The following RNF13 variants were observed in gnomAD, a reference collection of about 807,000 sequenced individuals.
RNF13 encodes the protein E3 ubiquitin-protein ligase RNF13.
RNF13 carries 19 observed loss-of-function variants against 37.7 expected under a neutral mutation model. That is an observed-to-expected ratio of 0.50 (90% confidence interval 0.35 to 0.74). RNF13 has a LOEUF of 0.74. Among genes scored for constraint, RNF13 ranks in the 30% least tolerant of loss-of-function variants. The pLI is 0.01. For synonymous variants in RNF13, 144 were observed against 157.8 expected, an observed-to-expected ratio of 0.91 and a Z score of 0.65; for missense variants, 375 against 453.0, an observed-to-expected ratio of 0.83 and a Z score of 1.56.
rs765381081 is a variant in RNF13, at chr3:149,844,968, C to G, written c.-16-1043C>G. Among the ~76,000 whole-genome samples the G allele has an allele frequency of 1.4e-4, 21 of 152,298 alleles. No individual in the cohort carries two copies. The South Asian group carries it at 1.7e-3, about 12-fold the overall frequency. ...TTTCCCCTCCCTCAAGCTTTCCCCC[C>G]ACGCCCTGCCAATCCCTAGGCAACC... On this transcript the variant is annotated intron_variant, in intron 1 of 9. Transcript: ENST00000392894.
At chr3:149,898,793 A>C (rs887987871) in intron 5 of RNF13, among the ~76,000 whole-genome samples, 4 of 152,174 alleles carry the variant, frequency 2.6e-5, no homozygotes, top group Admixed American at 2.6e-4. Context: ...AGTAGTGATA[A>C]ATGCTATGAA....
intron 4 of RNF13, among the ~76,000 whole-genome samples, chr3:149,889,183 C>T (rs937733971): frequency 8.6e-5 from 13 of 151,274 alleles, no homozygotes; most frequent in Non-Finnish European, 1.6e-4. Context: ...ATGATCCCCC[C>T]GACTCAGCCT....
intron 1 of RNF13, among the ~76,000 whole-genome samples, chr3:149,836,818 T>C (rs1224173679): frequency 6.6e-6 from 1 of 152,226 alleles, no homozygotes; most frequent in Non-Finnish European, 1.5e-5. Context: ...TTACTCAGCC[T>C]GCTAAGGAAG....
intron 8 of RNF13, chr3:149,939,729 T>C (rs922868388): frequency 1.4e-6 from 1 of 725,912 alleles, no homozygotes; most frequent in Non-Finnish European, 2.4e-6. Flanking sequence ...TGTCGGCCTT[T>C]TGTTGACAAC....
At chr3:149,918,067 C>G (rs1362380362) in intron 7 of RNF13, among the ~76,000 whole-genome samples, 2 of 151,728 alleles carry the variant, frequency 1.3e-5, no homozygotes, top group African/African-American at 4.8e-5. Context: ...TTCTGGTAGC[C>G]AAATTTAAAA....
chr3:149,950,873 G>A (rs545259863), intron 8 of RNF13, among the ~76,000 whole-genome samples: 81 of 152,230 alleles, frequency 5.3e-4, no homozygotes, highest in Non-Finnish European at 1.0e-3. Context: ...GATGGCTGGC[G>A]GGAGCTGGAG....
At chr3:149,943,859 C>T (rs550732027) in intron 8 of RNF13, among the ~76,000 whole-genome samples, 5 of 151,928 alleles carry the variant, frequency 3.3e-5, no homozygotes, top group Admixed American at 6.6e-5. Flanking sequence ...ATGCACACAA[C>T]GTGCAGGTTT....
chr3:149,960,354 G>A (rs767702774), intron 9 of RNF13, among the ~76,000 whole-genome samples: 1 of 152,108 alleles, frequency 6.6e-6, no homozygotes, highest in South Asian at 2.1e-4. Flanking sequence ...CACTTTGGGA[G>A]GCCGAGGCAG....
At chr3:149,931,880 C>T (rs2108558871) in intron 8 of RNF13, among the ~76,000 whole-genome samples, 1 of 152,296 alleles carries the variant, frequency 6.6e-6, no homozygotes, top group South Asian at 2.1e-4. Context: ...CACCAGTTTG[C>T]TCTCTACCTC....
chr3:149,819,129 A>C (rs973403137), intron 1 of RNF13, among the ~76,000 whole-genome samples: 6 of 152,188 alleles, frequency 3.9e-5, no homozygotes, highest in African/African-American at 1.4e-4. Flanking sequence ...TTGTCCAGTT[A>C]AAATCTGTTT....
chr3:149,914,497 G>A (rs1181400687), intron 7 of RNF13, among the ~76,000 whole-genome samples: 1 of 151,830 alleles, frequency 6.6e-6, no homozygotes, highest in African/African-American at 2.4e-5. Context: ...GAGTAAGTTA[G>A]AAAACCAAAA....
At chr3:149,873,158 T>G (rs1252600297) in intron 4 of RNF13, among the ~76,000 whole-genome samples, 1 of 152,212 alleles carries the variant, frequency 6.6e-6, no homozygotes, top group Non-Finnish European at 1.5e-5. Flanking sequence ...AATGTTATTG[T>G]AATGTTTCAT....
At position 149,882,062 on chromosome 3, in the gene RNF13, T is replaced by G. The variant is rs200430021; in HGVS notation, c.321+9908T>G. ...ACAGATGGAGGAAGTCCAGAATAACTATTAGTAGAGTACCAGTGGTAAGCA... is the reference window on the plus strand; with the variant it reads ...ACAGATGGAGGAAGTCCAGAATAACGATTAGTAGAGTACCAGTGGTAAGCA... On this transcript the variant is annotated intron_variant, in intron 4 of 9. Coordinates refer to ENST00000392894, the MANE Select transcript of RNF13 (RefSeq NM_183381.3). Among the ~76,000 whole-genome samples the G allele has an allele frequency of 2.4e-3, 371 of 152,004 alleles. 5 individuals carry two copies. The highest frequency in any genetic ancestry group is 4.4e-3 in the East Asian group (23 of 5,180).
At chr3:149,816,941 A>G (rs1022262279) in intron 1 of RNF13, among the ~76,000 whole-genome samples, 1 of 152,108 alleles carries the variant, frequency 6.6e-6, no homozygotes, top group African/African-American at 2.4e-5. Flanking sequence ...TGACCAGAGT[A>G]TAGGCCTAGG....
intron 8 of RNF13, among the ~76,000 whole-genome samples, chr3:149,945,073 T>C (rs1424386380): frequency 6.6e-6 from 1 of 152,260 alleles, no homozygotes; most frequent in African/African-American, 2.4e-5. Flanking sequence ...GGGAATCCTT[T>C]CCTCATTTCT....
At chr3:149,842,913 G>A (rs146774584) in intron 1 of RNF13, among the ~76,000 whole-genome samples, 52 of 152,254 alleles carry the variant, frequency 3.4e-4, no homozygotes, top group African/African-American at 1.2e-3. Context: ...AGGAGAGTTA[G>A]GAAAATATTC....
chr3:149,865,472 T>C (rs1724719549), intron 3 of RNF13, among the ~76,000 whole-genome samples: 1 of 151,862 alleles, frequency 6.6e-6, no homozygotes, highest in Non-Finnish European at 1.5e-5. Context: ...CCCTCCTGTT[T>C]CGTTTTTTTG....
At chr3:149,878,595 C>T (rs957093055) in intron 4 of RNF13, among the ~76,000 whole-genome samples, 2 of 152,166 alleles carry the variant, frequency 1.3e-5, no homozygotes, top group African/African-American at 4.8e-5. Flanking sequence ...TAATGATTTA[C>T]ATTCACAATC....
At chr3:149,868,211 C>T (rs1711568404) in intron 3 of RNF13, among the ~76,000 whole-genome samples, 1 of 151,424 alleles carries the variant, frequency 6.6e-6, no homozygotes, top group Non-Finnish European at 1.5e-5. Flanking sequence ...GTCTTCTGGA[C>T]ATAGCTAGAG....
Sources: allele counts gnomAD v4.1 joint callset (sites outside exome capture counted in the v4.1 genomes callset), GRCh38; gene constraint gnomAD v4.1.1; transcripts MANE v1.5; gene names NCBI Gene and HGNC (gene_info 2026-07-23, HGNC 2026-07-21).